Variants in CSMD3 observed in about 807,000 individuals in gnomAD.
The protein encoded by CSMD3 is CUB and sushi domain-containing protein 3.
In CSMD3, 177 loss-of-function variants were observed where a neutral mutation model predicts 435.2. That is an observed-to-expected ratio of 0.41 (90% CI 0.36 to 0.46). The LOEUF is 0.46. Ranked by LOEUF, CSMD3 falls within the 20% of genes least tolerant of loss-of-function variation. The pLI is 0.34. For synonymous variants in CSMD3, 1,656 were observed against 1,520.5 expected, an observed-to-expected ratio of 1.09 and a Z score of -2.07; for missense variants, 4,265 against 4,504.6, an observed-to-expected ratio of 0.95 and a Z score of 1.52.
At chr8:112,372,160 A>C (rs1277475346) in intron 38 of CSMD3, among the ~76,000 whole-genome samples, 2 of 152,148 alleles carry the variant, frequency 1.3e-5, no homozygotes, top group African/African-American at 4.8e-5. Flanking sequence ...AGCCAGAAAA[A>C]AGAAGAGAAG....
intron 13 of CSMD3, among the ~76,000 whole-genome samples, chr8:112,704,432 G>A (rs1290739061): frequency 6.6e-6 from 1 of 151,938 alleles, no homozygotes. Flanking sequence ...CATTTATATC[G>A]TCAACTCAGC....
chr8:112,450,966 C>G (rs1816194763), intron 32 of CSMD3, among the ~76,000 whole-genome samples: 1 of 151,790 alleles, frequency 6.6e-6, no homozygotes, highest in South Asian at 2.1e-4. Flanking sequence ...ATGTTTATTA[C>G]AATGATATTT....
intron 5 of CSMD3, among the ~76,000 whole-genome samples, chr8:113,062,715 A>C (rs1408278141): frequency 2.6e-5 from 4 of 151,818 alleles, no homozygotes; most frequent in African/African-American, 9.7e-5. Flanking sequence ...GTTTGACAAA[A>C]ATCTAGGTGT....
At chr8:112,898,552 A>G (rs2082015668) in intron 10 of CSMD3, among the ~76,000 whole-genome samples, 1 of 151,226 alleles carries the variant, frequency 6.6e-6, no homozygotes, top group South Asian at 2.1e-4. Context: ...TTTAAAAGTA[A>G]TGCAATAACA....
intron 1 of CSMD3, chr8:113,376,655 C>T (rs1407448307): frequency 6.7e-7 from 1 of 1,497,816 alleles, no homozygotes; most frequent in Non-Finnish European, 9.3e-7. Flanking sequence ...CCTGGCCAGG[C>T]AGGAGGCGCC....
intron 30 of CSMD3, 62 bp downstream of exon 30, chr8:112,503,728 T>G: frequency 8.2e-7 from 1 of 1,224,540 alleles, no homozygotes; most frequent in Non-Finnish European, 1.2e-6. Flanking sequence ...TACCAAATTA[T>G]TCTCCTGTAT....
chr8:113,140,992 T>C (rs527464074), intron 4 of CSMD3, among the ~76,000 whole-genome samples: 1 of 150,724 alleles, frequency 6.6e-6, no homozygotes, highest in Admixed American at 6.6e-5. Flanking sequence ...ATTATTGACA[T>C]AAGGAATGGA....
chr8:112,717,262 T>C (rs1354739326), intron 13 of CSMD3, among the ~76,000 whole-genome samples: 1 of 150,796 alleles, frequency 6.6e-6, no homozygotes, highest in Non-Finnish European at 1.5e-5. Context: ...GTGAAGGACA[T>C]GAACAGATGC....
At chr8:113,206,594 T>C (rs563039279) in intron 3 of CSMD3, among the ~76,000 whole-genome samples, 2 of 152,266 alleles carry the variant, frequency 1.3e-5, no homozygotes, top group South Asian at 2.1e-4. Flanking sequence ...TCCATGTTAA[T>C]TGCCTAGTTT....
chr8:112,676,859 T>TA (rs1352765410), intron 16 of CSMD3, among the ~76,000 whole-genome samples: 3 of 152,122 alleles, frequency 2.0e-5, no homozygotes, highest in Non-Finnish European at 4.4e-5. Context: ...TGGTATCCCT[T>TA]TCAAGTTCTT....
intron 22 of CSMD3, among the ~76,000 whole-genome samples, chr8:112,611,597 G>A (rs1833266692): frequency 6.6e-6 from 1 of 152,102 alleles, no homozygotes; most frequent in Non-Finnish European, 1.5e-5. Context: ...TCTAAAACAT[G>A]CTCTATAATA....
chr8:112,946,322 A>C (rs2083609320), intron 9 of CSMD3, among the ~76,000 whole-genome samples: 1 of 151,718 alleles, frequency 6.6e-6, no homozygotes, highest in Non-Finnish European at 1.5e-5. Flanking sequence ...TCAATTTTAG[A>C]ACTGAGGAAA....
intron 38 of CSMD3, among the ~76,000 whole-genome samples, chr8:112,370,059 A>G (rs1439829669): frequency 1.7e-5 from 2 of 119,686 alleles, no homozygotes; most frequent in Non-Finnish European, 3.9e-5. Context: ...AAGAAGAAGA[A>G]GAAGAAGAAG....
intron 59 of CSMD3, among the ~76,000 whole-genome samples, chr8:112,280,679 A>G (rs1295273092): frequency 6.6e-6 from 1 of 152,148 alleles, no homozygotes; most frequent in Non-Finnish European, 1.5e-5. Flanking sequence ...TCTTCAAGGG[A>G]GTAATTTTAT....
At chr8:112,532,920 A>G (rs763707036) in intron 27 of CSMD3, among the ~76,000 whole-genome samples, 6 of 152,162 alleles carry the variant, frequency 3.9e-5, no homozygotes, top group Non-Finnish European at 8.8e-5. Flanking sequence ...ATGGAAAGAT[A>G]TAAGTTGATA....
At position 112,503,926 on chromosome 8, in the gene CSMD3, G is replaced by C. The variant is rs2130916089; in HGVS notation, c.4947C>G (p.Asp1649Glu). Reference sequence around the variant, plus strand: ...AACTTCCAATCAGTGGGCTATTACTGTCTGGTCCATCATAGATATAGAGGA... The same window carrying C: ...AACTTCCAATCAGTGGGCTATTACTCTCTGGTCCATCATAGATATAGAGGA... ...YDFLYIYDGP[D>E]SNSPLIGSFQ... Residue 1649 changes from aspartate (D) to glutamate (E), a missense_variant, in exon 30 of 71, where the codon GAC becomes GAG. Asp to Glu is a conservative substitution (Grantham distance 45). Around this residue, in one of 3 missense-constraint regions of CSMD3, gnomAD observed 3,255 missense variants for 3,380.2 expected, o/e 0.96. Transcript: ENST00000297405. 5 of 1,611,268 alleles carry C rather than the reference G, an allele frequency of 3.1e-6. No individual in the cohort carries two copies. Among genetic ancestry groups the C allele is most frequent in the South Asian group, 2.2e-5 (2 of 91,016 alleles).
chr8:112,471,246 G>A (rs1818493432), intron 32 of CSMD3, among the ~76,000 whole-genome samples: 2 of 152,116 alleles, frequency 1.3e-5, no homozygotes, highest in African/African-American at 2.4e-5. Flanking sequence ...AGGACTCAGA[G>A]AGCCATGAAG....
At chr8:113,411,714 C>T (rs1352646357) in intron 1 of CSMD3, among the ~76,000 whole-genome samples, 2 of 152,048 alleles carry the variant, frequency 1.3e-5, no homozygotes, top group Non-Finnish European at 2.9e-5. Context: ...CCCATATATC[C>T]AAATTAGCCA....
chr8:112,225,106 G>C (rs1040710960), intron 70 of CSMD3, among the ~76,000 whole-genome samples, 176 bp from the exon 71 acceptor site: 3 of 151,898 alleles, frequency 2.0e-5, no homozygotes, highest in Non-Finnish European at 4.4e-5. Context: ...AAACCTGAGT[G>C]ACTTTTAATT....
Sources: allele counts gnomAD v4.1 joint callset (sites outside exome capture counted in the v4.1 genomes callset), GRCh38; gene constraint gnomAD v4.1.1; regional missense constraint gnomAD v4.1.1; transcripts MANE v1.5; gene names NCBI Gene and HGNC (gene_info 2026-07-23, HGNC 2026-07-21).